Variants in ZNF804B observed in about 807,000 individuals in gnomAD.
ZNF804B encodes zinc finger protein 804B.
Under a neutral mutation model 101.4 loss-of-function variants are expected in ZNF804B, and 80 were observed. That is an observed-to-expected ratio of 0.79 (90% confidence interval 0.66 to 0.95). The LOEUF is 0.95. Ranked by LOEUF, ZNF804B falls within the 40% of genes least tolerant of loss-of-function variation. ZNF804B has a pLI of 0.00. For missense variants in ZNF804B, 1,673 were observed against 1,561.9 expected (o/e 1.07, Z -1.20); for synonymous variants, 622 against 558.8 (o/e 1.11, Z -1.59).
chr7:89,211,538 TG>T (rs377437620), intron 1 of ZNF804B, among the ~76,000 whole-genome samples: 1 of 152,196 alleles, frequency 6.6e-6, no homozygotes, highest in African/African-American at 2.4e-5. Flanking sequence ...AGTTAATTTT[TG>T]TATAAGGTGA....
rs561041111 is a variant in ZNF804B at position 88,819,121 on chromosome 7, T to C, written c.108+59037T>C. Among the ~76,000 whole-genome samples, 7 of 152,206 alleles carry C rather than the reference T, an allele frequency of 4.6e-5. 1 individual carries two copies. Among genetic ancestry groups the C allele is most frequent in the African/African-American group, 1.7e-4 (7 of 41,524 alleles). On this transcript the variant is annotated intron_variant, in intron 1 of 3. Coordinates refer to ENST00000333190, the MANE Select transcript of ZNF804B (RefSeq NM_181646.5). ...TGAAAGTATATCCACATTTTCTTTT[T>C]TTTGTTTTGTTTTGTTTTTTGAGAC...
At chr7:89,055,728 A>G (rs1417370462) in intron 1 of ZNF804B, among the ~76,000 whole-genome samples, 1 of 152,080 alleles carries the variant, frequency 6.6e-6, no homozygotes, top group African/African-American at 2.4e-5. Flanking sequence ...TTTGGAAAAT[A>G]TGGCAGCCAG....
At chr7:88,856,811 T>C (rs546063244) in intron 1 of ZNF804B, among the ~76,000 whole-genome samples, 34 of 152,222 alleles carry the variant, frequency 2.2e-4, no homozygotes, top group African/African-American at 3.6e-4. Context: ...GAGTTTTTAG[T>C]ATGAAGGGCT....
intron 1 of ZNF804B, among the ~76,000 whole-genome samples, chr7:88,966,392 A>G (rs1188079853): frequency 6.6e-6 from 1 of 151,542 alleles, no homozygotes; most frequent in African/African-American, 2.4e-5. Flanking sequence ...CATCTGAACC[A>G]CAAGAGTAGC....
Position 88,928,447 on chromosome 7 carries a change from T to C in ZNF804B, c.108+168363T>C, listed in dbSNP as rs538331174. The stretch of plus-strand genomic sequence containing the variant: ...AAGCAATAAGTAAGAGACTTTGAAG[T>C]GCTAAAAATATTTGGGAAGTGTCAA... On this transcript the variant is annotated intron_variant, in intron 1 of 3. Coordinates refer to ENST00000333190, the MANE Select transcript of ZNF804B (RefSeq NM_181646.5). 2.0e-5 allele frequency among the ~76,000 whole-genome samples: 3 copies of C among 152,282 alleles called. No individual in the cohort carries two copies. The South Asian group carries it at 6.2e-4, about 32-fold the overall frequency.
chr7:88,850,593 C>A (rs1041341489), intron 1 of ZNF804B, among the ~76,000 whole-genome samples: 4 of 151,976 alleles, frequency 2.6e-5, no homozygotes, highest in Admixed American at 6.6e-5. Context: ...CCCAGTGGGG[C>A]AAAATTTACC....
At chr7:89,268,613 G>A (rs1789835083) in intron 2 of ZNF804B, among the ~76,000 whole-genome samples, 1 of 151,488 alleles carries the variant, frequency 6.6e-6, no homozygotes, top group African/African-American at 2.4e-5. Flanking sequence ...ATAAAACAGA[G>A]CGCAAATTTA....
chr7:89,100,744 A>G (rs915347848), intron 1 of ZNF804B, among the ~76,000 whole-genome samples: 7 of 152,120 alleles, frequency 4.6e-5, no homozygotes, highest in Non-Finnish European at 1.0e-4. Context: ...ATAAAGAGAT[A>G]TGAATATGTT....
chr7:89,260,064 G>A (rs2115810324), intron 2 of ZNF804B, among the ~76,000 whole-genome samples: 1 of 152,258 alleles, frequency 6.6e-6, no homozygotes, highest in South Asian at 2.1e-4. Flanking sequence ...AGAAAAGCAA[G>A]AAAGGCAGCC....
intron 1 of ZNF804B, among the ~76,000 whole-genome samples, chr7:88,810,483 T>C (rs2115733181): frequency 6.7e-6 from 1 of 149,926 alleles, no homozygotes; most frequent in Non-Finnish European, 1.5e-5. Flanking sequence ...CAAAACCTCA[T>C]CTCTACAAAA....
intron 1 of ZNF804B, among the ~76,000 whole-genome samples, chr7:88,929,116 G>T (rs1457367026): frequency 2.6e-5 from 4 of 151,852 alleles, no homozygotes; most frequent in African/African-American, 9.7e-5. Context: ...ACAGTATGGA[G>T]CTCCTAGATA....
At chr7:88,811,608 G>C (rs1790788863) in intron 1 of ZNF804B, among the ~76,000 whole-genome samples, 1 of 152,062 alleles carries the variant, frequency 6.6e-6, no homozygotes, top group South Asian at 2.1e-4. Flanking sequence ...ATAAAGAAAA[G>C]GTGGTACATA....
At chr7:88,864,826 A>T (rs562128427) in intron 1 of ZNF804B, among the ~76,000 whole-genome samples, 1 of 152,304 alleles carries the variant, frequency 6.6e-6, no homozygotes, top group African/African-American at 2.4e-5. Flanking sequence ...ATGGCCAAGG[A>T]CATGAGATTG....
At chr7:89,074,840 A>G (rs1484016423) in intron 1 of ZNF804B, among the ~76,000 whole-genome samples, 2 of 152,212 alleles carry the variant, frequency 1.3e-5, no homozygotes, top group Non-Finnish European at 2.9e-5. Context: ...TGATAGTGAT[A>G]TGAACAATAA....
At position 88,795,054 on chromosome 7, in the gene ZNF804B, A is replaced by C. The variant is rs1790458242; in HGVS notation, c.108+34970A>C. The stretch of plus-strand genomic sequence containing the variant: ...CTCGTGTTTTTATTTCTTCTGACAA[A>C]AAAAAAAAGAGTAAATCACGGTTTG... On this transcript the variant is annotated intron_variant, in intron 1 of 3. Transcript: ENST00000333190. 8.0e-6 allele frequency: 6 copies of C among 752,824 alleles called. No homozygotes were observed. The South Asian group carries it at 1.2e-4, about 15-fold the overall frequency. The allele number at this position is 752,824 out of a possible 1,614,324, so 46.6% of individuals were successfully genotyped here.
chr7:88,877,049 ATTTTTTTTTTTTT>A (rs869097226), intron 1 of ZNF804B, among the ~76,000 whole-genome samples: 3 of 13,912 alleles, frequency 2.2e-4, no homozygotes, highest in African/African-American at 4.3e-4. Context: ...ATATATATAT[ATTTTTTTTTTTTT>A]TTTTTTTTTT....
intron 1 of ZNF804B, among the ~76,000 whole-genome samples, chr7:88,777,016 G>C (rs1790151917): frequency 6.6e-6 from 1 of 152,110 alleles, no homozygotes; most frequent in South Asian, 2.1e-4. Context: ...CCTAGAGCTG[G>C]AAGGGCAAAG....
At chr7:89,183,911 G>A (rs990404548) in intron 1 of ZNF804B, among the ~76,000 whole-genome samples, 9 of 152,120 alleles carry the variant, frequency 5.9e-5, no homozygotes, top group South Asian at 4.1e-4. Flanking sequence ...TCTTTTTGTG[G>A]GTCCTTAATT....
At chr7:88,877,434 C>T (rs1401282026) in intron 1 of ZNF804B, among the ~76,000 whole-genome samples, 1 of 151,968 alleles carries the variant, frequency 6.6e-6, no homozygotes, top group South Asian at 2.1e-4. Context: ...GAGATGAAAT[C>T]TGTAATACAT....
Sources: allele counts gnomAD v4.1 joint callset (sites outside exome capture counted in the v4.1 genomes callset), GRCh38; gene constraint gnomAD v4.1.1; transcripts MANE v1.5; gene names NCBI Gene and HGNC (gene_info 2026-07-23, HGNC 2026-07-21).